The following NEK10 variants were observed in gnomAD, a reference collection of about 807,000 sequenced individuals.
NEK10 encodes NIMA related kinase 10.
A neutral mutation model predicts 159.8 loss-of-function variants in NEK10; 122 were observed. The observed-to-expected ratio is 0.76, with a 90% CI of 0.66 to 0.89. The LOEUF (loss-of-function observed/expected upper bound fraction) is 0.89, where lower values mean the gene tolerates loss of function less well. Ranked by LOEUF, NEK10 falls within the 40% of genes least tolerant of loss-of-function variation. The probability of loss-of-function intolerance (pLI) is 0.00; values close to 1 mark genes in which losing one functional copy is unlikely to be tolerated. For missense variants in NEK10, 1,342 were observed against 1,323.1 expected, an observed-to-expected ratio of 1.01 and a Z score of -0.22; for synonymous variants, 466 against 457.1, an observed-to-expected ratio of 1.02 and a Z score of -0.25.
chr3:27,152,947 C>T (rs1428488289), intron 30 of NEK10, among the ~76,000 whole-genome samples: 1 of 152,222 alleles, frequency 6.6e-6, no homozygotes, highest in East Asian at 1.9e-4. Flanking sequence ...AAGGCCTTGT[C>T]CAACAGGAAA....
intron 23 of NEK10, among the ~76,000 whole-genome samples, chr3:27,212,884 A>G (rs566472196): frequency 6.6e-6 from 1 of 152,204 alleles, no homozygotes; most frequent in Non-Finnish European, 1.5e-5. Flanking sequence ...GCAGGAGAAT[A>G]GAGTGTGGAG....
At chr3:27,209,492 A>G (rs1424510793) in intron 23 of NEK10, among the ~76,000 whole-genome samples, 1 of 152,236 alleles carries the variant, frequency 6.6e-6, no homozygotes, top group Admixed American at 6.5e-5. Context: ...TTAACCACCA[A>G]TGAAATCAAT....
Position 27,352,507 on chromosome 3 carries a change from T to A in NEK10, c.90A>T (p.Lys30Asn), listed in dbSNP as rs952317417. 1.9e-6 allele frequency: 3 copies of A among 1,610,674 alleles called. No individual in the cohort carries two copies. Among genetic ancestry groups the A allele is most frequent in the Non-Finnish European group, 2.5e-6 (3 of 1,177,060 alleles). The change falls in exon 3 of 36, where the codon AAA becomes AAT. Residue 30 changes from lysine to asparagine, a missense_variant. By Grantham distance (94) the Lys-to-Asn change is moderately conservative (BLOSUM62 0). Coordinates refer to ENST00000691995, the MANE Select transcript of NEK10 (RefSeq NM_001394966.1). Reference protein sequence around the residue: ...EITIRDYSDLKRLRCLLNVQS... With the variant: ...EITIRDYSDLNRLRCLLNVQS... ...GGACGTTCAAAAGGCACCGAAGTCTTTTAAGATCTGAATAGTCCCTAGGAG... is the reference window on the plus strand; with the variant it reads ...GGACGTTCAAAAGGCACCGAAGTCTATTAAGATCTGAATAGTCCCTAGGAG...
chr3:27,170,417 T>C (rs148704634), intron 29 of NEK10, among the ~76,000 whole-genome samples: 1 of 152,176 alleles, frequency 6.6e-6, no homozygotes, highest in Non-Finnish European at 1.5e-5. Context: ...GTCTAGAATA[T>C]TGGCCTAGAA....
intron 33 of NEK10, among the ~76,000 whole-genome samples, chr3:27,117,490 T>C (rs1479889591): frequency 1.3e-5 from 2 of 152,184 alleles, no homozygotes; most frequent in Non-Finnish European, 2.9e-5. Context: ...CCAACATCTG[T>C]TGTTTCTTGA....
intron 23 of NEK10, among the ~76,000 whole-genome samples, chr3:27,247,526 GTTTATTTTATTTTAT>G (rs577843384): frequency 6.6e-6 from 1 of 151,914 alleles, no homozygotes; most frequent in Non-Finnish European, 1.5e-5. Context: ...CTAGAATTTT[GTTTATTTTATTTTAT>G]TTTATTTTAT....
Position 27,107,775 on chromosome 3 carries a change from G to A in NEK10, c.*3497C>T, listed in dbSNP as rs1044380860. ...TTCAGTGCTCATGAAAACCATCATA[G>A]AAAAAGTAAAAGGCAATGATGAAAG... On this transcript the variant is annotated 3_prime_UTR_variant, in exon 36 of 36. Transcript: ENST00000691995. Among the ~76,000 whole-genome samples, 8 of 152,212 alleles carry A rather than the reference G, an allele frequency of 5.3e-5. No individual in the cohort carries two copies. In the East Asian group the frequency reaches 1.5e-3, roughly 29 times the overall value.
chr3:27,206,126 G>A lies in NEK10; in HGVS notation c.2091-3569C>T, dbSNP rs549351754. 7.2e-5 allele frequency among the ~76,000 whole-genome samples: 11 copies of A among 152,284 alleles called. No individual in the cohort carries two copies. The South Asian group carries it at 1.0e-3, about 14-fold the overall frequency. ...AGGCCACATTTTCTAATACCATCAC[G>A]TTGCAGATTAGGATTTCAGTATAAG... On this transcript the variant is annotated intron_variant, in intron 23 of 35. Transcript: ENST00000691995.
At chr3:27,144,230 A>G (rs1944069923) in intron 30 of NEK10, among the ~76,000 whole-genome samples, 1 of 152,126 alleles carries the variant, frequency 6.6e-6, no homozygotes, top group Non-Finnish European at 1.5e-5. Context: ...GAGATGGTTT[A>G]TTATCAACAC....
intron 30 of NEK10, among the ~76,000 whole-genome samples, chr3:27,147,882 T>A (rs1397422373): frequency 2.0e-5 from 3 of 152,188 alleles, no homozygotes; most frequent in Non-Finnish European, 4.4e-5. Flanking sequence ...ACTACATAAA[T>A]CTCTGTTCTT....
intron 30 of NEK10, chr3:27,143,377 A>G (rs1943971590): frequency 6.0e-6 from 4 of 669,564 alleles, no homozygotes; most frequent in Non-Finnish European, 1.1e-5. Flanking sequence ...AAAATCTCAC[A>G]ACATGGCAAA....
intron 5 of NEK10, among the ~76,000 whole-genome samples, chr3:27,332,608 T>C (rs1386690849): frequency 6.6e-6 from 1 of 152,232 alleles, no homozygotes; most frequent in Non-Finnish European, 1.5e-5. Context: ...GTTTCACAAA[T>C]ACATAATATT....
chr3:27,168,199 G>C (rs1029484075), intron 29 of NEK10, among the ~76,000 whole-genome samples: 5 of 151,656 alleles, frequency 3.3e-5, no homozygotes, highest in African/African-American at 1.2e-4. Context: ...CCAAGTGGGA[G>C]AGCTGCCTAG....
intron 23 of NEK10, among the ~76,000 whole-genome samples, chr3:27,241,027 G>A (rs958602425): frequency 3.3e-5 from 5 of 152,036 alleles, no homozygotes; most frequent in Non-Finnish European, 7.4e-5. Flanking sequence ...GTTGGTACAG[G>A]GAGTAGCACC....
At chr3:27,138,228 C>T (rs1943421084) in intron 31 of NEK10, among the ~76,000 whole-genome samples, 1 of 152,204 alleles carries the variant, frequency 6.6e-6, no homozygotes, top group African/African-American at 2.4e-5. Flanking sequence ...CAACACCTAA[C>T]TCAGGGTGGC....
rs778922432 is a variant in NEK10 at position 27,291,563 on chromosome 3, TCAAA to T, written c.1393_1396del (p.Phe465ArgfsTer6). On this transcript the variant is annotated frameshift_variant, in exon 17 of 36. Transcript: ENST00000691995. LOFTEE classifies it high-confidence loss of function. ...ATAATGCCCTATGTCAATGAAGATC[TCAAA>T]CAAGTCTGTGGGGAAAAGTCTACAG... 5 of 1,603,708 alleles carry T rather than the reference TCAAA, an allele frequency of 3.1e-6. No homozygotes were observed. The highest frequency in any genetic ancestry group is 4.3e-6 in the Non-Finnish European group (5 of 1,170,518).
At chr3:27,125,723 A>G (rs1419587544) in intron 32 of NEK10, among the ~76,000 whole-genome samples, 4 of 152,066 alleles carry the variant, frequency 2.6e-5, no homozygotes, top group African/African-American at 9.7e-5. Flanking sequence ...GCTCCACCAC[A>G]CTTTCTAAGC....
chr3:27,140,730 T>C (rs576517830), intron 31 of NEK10, among the ~76,000 whole-genome samples: 2 of 152,200 alleles, frequency 1.3e-5, no homozygotes, highest in Non-Finnish European at 2.9e-5. Flanking sequence ...GCAATGTTTA[T>C]GTTTTGCTCG....
chr3:27,190,157 AG>A (rs1223415632), intron 26 of NEK10, among the ~76,000 whole-genome samples: 1 of 152,204 alleles, frequency 6.6e-6, no homozygotes. Flanking sequence ...TCTCTGAGGT[AG>A]ATAATATCCT....
Sources: allele counts gnomAD v4.1 joint callset (sites outside exome capture counted in the v4.1 genomes callset), GRCh38; gene constraint gnomAD v4.1.1; transcripts MANE v1.5; gene names NCBI Gene and HGNC (gene_info 2026-07-23, HGNC 2026-07-21).